KLF7: variants seen among roughly 807,000 people sequenced by gnomAD.
KLF7 encodes the protein KLF transcription factor 7.
Under a neutral mutation model 27.3 loss-of-function variants are expected in KLF7, and 2 were observed. The observed-to-expected ratio is 0.07, with a 90% CI of 0.03 to 0.23. The LOEUF is 0.23. KLF7 is among the 10% of genes least tolerant of loss of function. The pLI is 1.00. For synonymous variants in KLF7, 165 were observed against 162.4 expected, an observed-to-expected ratio of 1.02 and a Z score of -0.12; for missense variants, 221 against 394.1, an observed-to-expected ratio of 0.56 and a Z score of 3.72.
intron 1 of KLF7, among the ~76,000 whole-genome samples, chr2:207,158,458 G>A (rs922585610): frequency 4.6e-5 from 7 of 151,948 alleles, no homozygotes; most frequent in South Asian, 2.1e-4. Context: ...GTAAAGTTTC[G>A]GGCACTCTCT....
chr2:207,160,604 C>G (rs1169561469), intron 1 of KLF7, among the ~76,000 whole-genome samples: 1 of 152,168 alleles, frequency 6.6e-6, no homozygotes. Context: ...CTTTCCTCAA[C>G]AGGCACAGAG....
intron 1 of KLF7, among the ~76,000 whole-genome samples, chr2:207,132,924 T>A (rs2077677188): frequency 6.6e-6 from 1 of 152,182 alleles, no homozygotes; most frequent in Non-Finnish European, 1.5e-5. Flanking sequence ...TCTAACTTGG[T>A]TTAGAGTTGT....
chr2:207,166,223 T>A, upstream of KLF7: 1 of 970,878 alleles, frequency 1.0e-6, no homozygotes, highest in Non-Finnish European at 1.2e-6. Context: ...ATGAAGTCAC[T>A]GAGGACCAAT....
At chr2:207,119,961 T>C (rs560441916) in intron 2 of KLF7, among the ~76,000 whole-genome samples, 1 of 152,330 alleles carries the variant, frequency 6.6e-6, no homozygotes, top group South Asian at 2.1e-4. Context: ...CCCAAAGTGC[T>C]AGGATTAGGG....
At chr2:207,091,376 A>G (rs2076507551) in intron 2 of KLF7, among the ~76,000 whole-genome samples, 1 of 152,156 alleles carries the variant, frequency 6.6e-6, no homozygotes, top group African/African-American at 2.4e-5. Context: ...CTATTGAGAA[A>G]CTGCAGATAG....
Position 207,074,311 on chromosome 2 carries a change from C to T in KLF7, c.*6902G>A, listed in dbSNP as rs995256531. ...CTGCTGTTTCCTGTGAATGACACCACTTCTCTCGGGGAATCGCTGAGCTCG... is the reference window on the plus strand; with the variant it reads ...CTGCTGTTTCCTGTGAATGACACCATTTCTCTCGGGGAATCGCTGAGCTCG... On this transcript the variant is annotated 3_prime_UTR_variant, in exon 4 of 4. Transcript: ENST00000309446. The T allele has an allele frequency of 2.6e-5, 4 of 152,150 alleles. No homozygotes were observed. The highest frequency in any genetic ancestry group is 5.9e-5 in the Non-Finnish European group (4 of 68,054). The allele number at this position is 152,150 out of a possible 1,614,324, so 9.4% of individuals were successfully genotyped here.
intron 2 of KLF7, among the ~76,000 whole-genome samples, chr2:207,089,825 A>G (rs951834758): frequency 6.6e-6 from 1 of 152,232 alleles, no homozygotes; most frequent in African/African-American, 2.4e-5. Flanking sequence ...TAAGAGTCAC[A>G]TAACTAATAA....
chr2:207,131,609 T>C (rs1433474465), intron 1 of KLF7, among the ~76,000 whole-genome samples: 3 of 152,210 alleles, frequency 2.0e-5, no homozygotes, highest in Non-Finnish European at 2.9e-5. Flanking sequence ...AAAGGCAGAT[T>C]CTCTGACTCC....
upstream of KLF7, chr2:207,166,933 C>G (rs1327366552): frequency 1.8e-5 from 14 of 799,312 alleles, no homozygotes; most frequent in South Asian, 4.0e-4. Flanking sequence ...CCGCCCCGCC[C>G]CGCGGGCGCC....
chr2:207,166,876 C>T (rs1450922243), upstream of KLF7: 6 of 1,073,202 alleles, frequency 5.6e-6, no homozygotes, highest in South Asian at 1.8e-4. Flanking sequence ...CAAAGGGGAG[C>T]GGAGCGAGAC....
At chr2:207,130,441 T>C (rs969810199) in intron 1 of KLF7, among the ~76,000 whole-genome samples, 5 of 152,252 alleles carry the variant, frequency 3.3e-5, no homozygotes, top group African/African-American at 1.2e-4. Flanking sequence ...GCAATGATAT[T>C]TCTTATACCA....
At chr2:207,100,348 T>TC (rs1216461159) in intron 2 of KLF7, among the ~76,000 whole-genome samples, 1 of 152,162 alleles carries the variant, frequency 6.6e-6, no homozygotes, top group Admixed American at 6.5e-5. Context: ...AGACTAAATT[T>TC]CCCCATTAGC....
In KLF7 at chr2:207,111,531, T is replaced by C. The variant is rs117624428; in HGVS notation, c.733+12243A>G. On this transcript the variant is annotated intron_variant, in intron 2 of 3. Transcript: ENST00000309446. Reference sequence around the variant, plus strand: ...GACTAGCAGCCATCAGATTCGTCCTTTCCAATTCTGTCAACCGGTTTGCTT... The same window carrying C: ...GACTAGCAGCCATCAGATTCGTCCTCTCCAATTCTGTCAACCGGTTTGCTT... Among the ~76,000 whole-genome samples, 8 of 152,304 alleles carry C rather than the reference T, an allele frequency of 5.3e-5. No homozygotes were observed. The East Asian group carries it at 1.5e-3, about 29-fold the overall frequency.
At chr2:207,125,069 C>T (rs1252395912) in intron 1 of KLF7, among the ~76,000 whole-genome samples, 3 of 152,186 alleles carry the variant, frequency 2.0e-5, no homozygotes, top group Non-Finnish European at 4.4e-5. Flanking sequence ...AAATACAATG[C>T]TATATTACTT....
upstream of KLF7, chr2:207,166,956 C>CCGCCA: frequency 1.5e-6 from 1 of 682,776 alleles, no homozygotes; most frequent in Non-Finnish European, 1.9e-6. Context: ...CGCCGCCGCC[C>CCGCCA]TCCCTCCCGC....
At chr2:207,149,947 GTCT>G (rs146922438) in intron 1 of KLF7, among the ~76,000 whole-genome samples, 4,453 of 152,204 alleles carry the variant, frequency 0.029, 210 homozygotes, top group African/African-American at 0.1. Flanking sequence ...GTAAGTCCCC[GTCT>G]TCTTATTATC....
chr2:207,103,389 C>T (rs2076811416), intron 2 of KLF7, among the ~76,000 whole-genome samples: 1 of 152,168 alleles, frequency 6.6e-6, no homozygotes, highest in African/African-American at 2.4e-5. Flanking sequence ...AGGTGACCAA[C>T]AGAACAAAAG....
intron 2 of KLF7, among the ~76,000 whole-genome samples, chr2:207,111,198 A>G (rs1038324700): frequency 6.6e-6 from 1 of 152,178 alleles, no homozygotes; most frequent in African/African-American, 2.4e-5. Context: ...TGTCACACAT[A>G]ATGGCCTCTT....
chr2:207,095,019 T>C (rs1559116348), intron 2 of KLF7, among the ~76,000 whole-genome samples: 3 of 149,646 alleles, frequency 2.0e-5, no homozygotes, highest in South Asian at 4.2e-4. Context: ...ATTTGCCCTA[T>C]TTGTTTTTAT....
Sources: allele counts gnomAD v4.1 joint callset (sites outside exome capture counted in the v4.1 genomes callset), GRCh38; gene constraint gnomAD v4.1.1; transcripts MANE v1.5; gene names NCBI Gene and HGNC (gene_info 2026-07-23, HGNC 2026-07-21).